SPMIP2: variants seen among roughly 807,000 people sequenced by gnomAD.
The protein encoded by SPMIP2 is protein SPMIP2.
the SPMIP2 span, among the ~76,000 whole-genome samples, chr4:159,027,168 G>A: frequency 0.02 from 3,031 of 152,148 alleles, 92 homozygotes; most frequent in African/African-American, 0.067. Flanking sequence ...TTTGATGGAG[G>A]ACAATGAATA....
At chr4:159,064,009 A>G in the SPMIP2 span, among the ~76,000 whole-genome samples, 3 of 152,356 alleles carry the variant, frequency 2.0e-5, no homozygotes, top group African/African-American at 4.8e-5. Flanking sequence ...ATTTATTAGT[A>G]GCTTTATTGC....
At chr4:158,988,400 G>T in the SPMIP2 span, among the ~76,000 whole-genome samples, 2 of 152,102 alleles carry the variant, frequency 1.3e-5, no homozygotes, top group African/African-American at 4.8e-5. Flanking sequence ...TATGAGGCCA[G>T]CATCATCCTG....
At chr4:159,045,741 G>A in the SPMIP2 span, among the ~76,000 whole-genome samples, 1 of 152,310 alleles carries the variant, frequency 6.6e-6, no homozygotes, top group East Asian at 1.9e-4. Context: ...CACAGTTTTT[G>A]TGGGTCAGGA....
the SPMIP2 span, among the ~76,000 whole-genome samples, chr4:159,042,620 G>A: frequency 6.6e-6 from 1 of 152,144 alleles, no homozygotes; most frequent in Non-Finnish European, 1.5e-5. Context: ...TATTTAGCAA[G>A]CACACTACTG....
At chr4:158,977,753 C>T in the SPMIP2 span, among the ~76,000 whole-genome samples, 1 of 151,734 alleles carries the variant, frequency 6.6e-6, no homozygotes, top group Non-Finnish European at 1.5e-5. Flanking sequence ...TAGCTGGGAC[C>T]ACAGGCGCCC....
the SPMIP2 span, among the ~76,000 whole-genome samples, chr4:159,073,666 A>T: frequency 6.6e-6 from 1 of 152,168 alleles, no homozygotes; most frequent in Non-Finnish European, 1.5e-5. Flanking sequence ...CCCTTCAGGA[A>T]ATAATCTGGA....
the SPMIP2 span, among the ~76,000 whole-genome samples, chr4:158,957,649 C>T: frequency 1.3e-5 from 2 of 152,186 alleles, no homozygotes; most frequent in African/African-American, 4.8e-5. Context: ...TGGTCTTGAA[C>T]TCTTGACCTC....
the SPMIP2 span, among the ~76,000 whole-genome samples, chr4:159,050,840 G>A: frequency 6.6e-6 from 1 of 151,902 alleles, no homozygotes; most frequent in Non-Finnish European, 1.5e-5. Flanking sequence ...CAGGCGCCGT[G>A]GTTCACGCCT....
the SPMIP2 span, among the ~76,000 whole-genome samples, chr4:158,972,183 G>A: frequency 4.6e-5 from 7 of 152,134 alleles, no homozygotes; most frequent in East Asian, 7.7e-4. Context: ...CCAGCATGGC[G>A]AAACCCCATC....
the SPMIP2 span, among the ~76,000 whole-genome samples, chr4:158,916,636 T>C: frequency 6.6e-6 from 1 of 151,760 alleles, no homozygotes; most frequent in African/African-American, 2.4e-5. Flanking sequence ...TGTATGTATG[T>C]ATGTATGTAT....
chr4:159,060,727 G>T, the SPMIP2 span, among the ~76,000 whole-genome samples: 1 of 152,144 alleles, frequency 6.6e-6, no homozygotes, highest in Non-Finnish European at 1.5e-5. Flanking sequence ...AACCCTATTT[G>T]TGAAATAGCT....
At chr4:159,044,048 C>T in the SPMIP2 span, among the ~76,000 whole-genome samples, 17 of 152,004 alleles carry the variant, frequency 1.1e-4, no homozygotes, top group Admixed American at 8.5e-4. Context: ...TGAAAATTTT[C>T]GTTTTTTAGC....
At chr4:158,924,314 A>G in the SPMIP2 span, among the ~76,000 whole-genome samples, 1 of 152,188 alleles carries the variant, frequency 6.6e-6, no homozygotes, top group Non-Finnish European at 1.5e-5. Context: ...CATCATGAAA[A>G]AGGGTTAGAG....
the SPMIP2 span, among the ~76,000 whole-genome samples, chr4:158,900,324 T>C: frequency 6.6e-6 from 1 of 152,202 alleles, no homozygotes; most frequent in Non-Finnish European, 1.5e-5. Flanking sequence ...TCTGTTGATT[T>C]GGGGTGGAGA....
the SPMIP2 span, among the ~76,000 whole-genome samples, chr4:159,024,998 A>G: frequency 5.3e-5 from 8 of 152,336 alleles, no homozygotes; most frequent in Admixed American, 1.3e-4. Context: ...TGAAGTAGAT[A>G]TTATTATGGC....
chr4:158,958,332 G>A, the SPMIP2 span, among the ~76,000 whole-genome samples: 1 of 152,182 alleles, frequency 6.6e-6, no homozygotes, highest in Admixed American at 6.5e-5. Context: ...GTTTCGTCAT[G>A]TTGCAAAGGC....
chr4:159,063,921 T>C, the SPMIP2 span, among the ~76,000 whole-genome samples: 2 of 152,184 alleles, frequency 1.3e-5, no homozygotes, highest in Admixed American at 6.5e-5. Flanking sequence ...CAGAAAAACG[T>C]ATGAGGAAAT....
the SPMIP2 span, among the ~76,000 whole-genome samples, chr4:158,925,078 C>T: frequency 2.0e-5 from 3 of 152,164 alleles, no homozygotes; most frequent in East Asian, 5.8e-4. Context: ...GTTTCCTCCT[C>T]GTTTATTTTT....
the SPMIP2 span, among the ~76,000 whole-genome samples, chr4:158,917,125 C>T: frequency 6.6e-6 from 1 of 152,230 alleles, no homozygotes; most frequent in Non-Finnish European, 1.5e-5. Context: ...TGGCACACGC[C>T]TGTAGTCCCA....
Sources: allele counts gnomAD v4.1 joint callset (sites outside exome capture counted in the v4.1 genomes callset), GRCh38; gene constraint gnomAD v4.1.1; transcripts MANE v1.5; gene names NCBI Gene and HGNC (gene_info 2026-07-23, HGNC 2026-07-21).